Variants in CACNA2D2 observed in about 807,000 individuals in gnomAD.
The protein encoded by CACNA2D2 is calcium voltage-gated channel auxiliary subunit alpha2delta 2.
In CACNA2D2, 48 loss-of-function variants were observed where a neutral mutation model predicts 166.4. That is an observed-to-expected ratio of 0.29 (90% confidence interval 0.23 to 0.37). The LOEUF (loss-of-function observed/expected upper bound fraction) is 0.37. Among genes scored for constraint, CACNA2D2 ranks in the 10% least tolerant of loss-of-function variants. The pLI, the probability that CACNA2D2 is intolerant of heterozygous loss-of-function variation, is 1.00. For synonymous variants in CACNA2D2, 561 were observed against 573.7 expected (o/e 0.98, Z 0.32); for missense variants, 1,122 against 1,433.0 (o/e 0.78, Z 3.50).
At chr3:50,407,856 T>A (rs929697586) in intron 3 of CACNA2D2, among the ~76,000 whole-genome samples, 3 of 152,018 alleles carry the variant, frequency 2.0e-5, no homozygotes, top group Admixed American at 2.0e-4. Flanking sequence ...ATGAAGGGGA[T>A]AAGGGAAGTA....
intron 2 of CACNA2D2, among the ~76,000 whole-genome samples, chr3:50,472,000 G>A (rs866639721): frequency 2.0e-5 from 3 of 152,242 alleles, no homozygotes; most frequent in Admixed American, 1.3e-4. Context: ...GAGAAGCACA[G>A]AAGTGGGAGG....
chr3:50,396,127 C>G (rs1161993462), intron 3 of CACNA2D2, among the ~76,000 whole-genome samples: 1 of 152,080 alleles, frequency 6.6e-6, no homozygotes, highest in Non-Finnish European at 1.5e-5. Context: ...TGCCTCCAAT[C>G]CTGGCCCTCC....
chr3:50,468,364 G>C (rs1449545602), intron 2 of CACNA2D2, among the ~76,000 whole-genome samples: 1 of 145,940 alleles, frequency 6.9e-6, no homozygotes, highest in Non-Finnish European at 1.5e-5. Flanking sequence ...AAGAGAACCA[G>C]CAAGTTCATC....
chr3:50,422,604 A>G (rs565882364), intron 3 of CACNA2D2, among the ~76,000 whole-genome samples: 1 of 152,334 alleles, frequency 6.6e-6, no homozygotes, highest in Non-Finnish European at 1.5e-5. Flanking sequence ...CACACGGCAC[A>G]GGCGATCTGC....
At chr3:50,449,132 C>T (rs1708991135) in intron 2 of CACNA2D2, among the ~76,000 whole-genome samples, 1 of 152,232 alleles carries the variant, frequency 6.6e-6, no homozygotes, top group African/African-American at 2.4e-5. Flanking sequence ...CTTAGAGAGG[C>T]TTCATCACTG....
intron 15 of CACNA2D2, 62 bp downstream of exon 15, chr3:50,377,946 C>T (rs1289446298): frequency 6.4e-7 from 1 of 1,559,454 alleles, no homozygotes; most frequent in African/African-American, 1.4e-5. Context: ...GGTCTTGACC[C>T]TGTGGGCACA....
chr3:50,415,579 G>T (rs994941040), intron 3 of CACNA2D2, among the ~76,000 whole-genome samples: 1 of 152,234 alleles, frequency 6.6e-6, no homozygotes, highest in African/African-American at 2.4e-5. Flanking sequence ...GGGCTCCTGA[G>T]GTGTCTGTGT....
At chr3:50,434,025 C>G (rs1708195107) in intron 3 of CACNA2D2, among the ~76,000 whole-genome samples, 1 of 152,196 alleles carries the variant, frequency 6.6e-6, no homozygotes, top group South Asian at 2.1e-4. Context: ...GGGAAAACCC[C>G]AGGCCCGGAA....
chr3:50,500,547 C>A (rs1292255901), intron 1 of CACNA2D2, among the ~76,000 whole-genome samples: 5 of 152,174 alleles, frequency 3.3e-5, no homozygotes, highest in Non-Finnish European at 7.3e-5. Flanking sequence ...GCAGTGAGGG[C>A]TGCCCCTCAG....
At chr3:50,385,812 GA>G (rs1705572033) in intron 5 of CACNA2D2, among the ~76,000 whole-genome samples, 1 of 152,228 alleles carries the variant, frequency 6.6e-6, no homozygotes, top group African/African-American at 2.4e-5. Flanking sequence ...GTTCCGCTCA[GA>G]GGAGGGGGAG....
intron 3 of CACNA2D2, among the ~76,000 whole-genome samples, chr3:50,414,841 G>C (rs1241307903): frequency 1.3e-5 from 2 of 152,250 alleles, no homozygotes; most frequent in African/African-American, 4.8e-5. Flanking sequence ...CAGGCCGGCG[G>C]CGCAGGGCTC....
chr3:50,455,899 C>A (rs761540349), intron 2 of CACNA2D2, among the ~76,000 whole-genome samples: 1 of 152,202 alleles, frequency 6.6e-6, no homozygotes, highest in Non-Finnish European at 1.5e-5. Flanking sequence ...ATGCTCCCCC[C>A]ATTCCTCTCC....
At chr3:50,479,538 C>T (rs929854269) in intron 1 of CACNA2D2, among the ~76,000 whole-genome samples, 2 of 152,266 alleles carry the variant, frequency 1.3e-5, no homozygotes, top group Admixed American at 6.5e-5. Flanking sequence ...TGTCCCAGTG[C>T]CACCTCCAAG....
At chr3:50,388,618 G>A (rs922031417) in intron 4 of CACNA2D2, among the ~76,000 whole-genome samples, 3 of 152,216 alleles carry the variant, frequency 2.0e-5, no homozygotes, top group Non-Finnish European at 4.4e-5. Context: ...CACCACCAGC[G>A]CAGATGTCGC....
intron 22 of CACNA2D2, among the ~76,000 whole-genome samples, chr3:50,371,793 G>A (rs943512486): frequency 1.3e-5 from 2 of 152,236 alleles, no homozygotes; most frequent in South Asian, 2.1e-4. Flanking sequence ...AGAAAAAGGA[G>A]GGCGAAGGAG....
Position 50,427,891 on chromosome 3 carries a change from C to T in CACNA2D2, c.405+6422G>A, listed in dbSNP as rs1206628069. Among the ~76,000 whole-genome samples, 2 of 152,198 alleles carry T rather than the reference C, an allele frequency of 1.3e-5. No homozygotes were observed. The highest frequency in any genetic ancestry group is 4.8e-5 in the African/African-American group (2 of 41,450). Reference sequence around the variant, plus strand: ...TTTGTCTCACCCTCGTCAGTGAATGCACCCGTGGACTCAGCTGAACTGGCC... The same window carrying T: ...TTTGTCTCACCCTCGTCAGTGAATGTACCCGTGGACTCAGCTGAACTGGCC... On this transcript the variant is annotated intron_variant, in intron 3 of 37. Coordinates refer to ENST00000424201, the MANE Select transcript of CACNA2D2 (RefSeq NM_006030.4). This position sits in a 1 kb window ranked among gnomAD's most constrained non-coding sequence, Gnocchi z 4.7.
At position 50,375,111 on chromosome 3, in the gene CACNA2D2, T is replaced by A. The variant is rs1458245434; in HGVS notation, c.1908-298A>T. The stretch of plus-strand genomic sequence containing the variant: ...CAGCCCCCTGCCCAGCCAACCTCCC[T>A]CTGACCCACAAGGGGCAGACGCTGC... On this transcript the variant is annotated intron_variant, in intron 21 of 37. Transcript: ENST00000424201. This position sits in a 1 kb window ranked among gnomAD's most constrained non-coding sequence, Gnocchi z 4.0. 6.6e-6 allele frequency among the ~76,000 whole-genome samples: 1 copy of A among 152,098 alleles called. No homozygotes were observed. The highest frequency in any genetic ancestry group is 1.5e-5 in the Non-Finnish European group (1 of 68,004).
chr3:50,452,256 T>C (rs1318675001), intron 2 of CACNA2D2, among the ~76,000 whole-genome samples: 1 of 152,188 alleles, frequency 6.6e-6, no homozygotes, highest in Non-Finnish European at 1.5e-5. Context: ...CAGCCCAACT[T>C]TTCCTGCTGC....
intron 1 of CACNA2D2, among the ~76,000 whole-genome samples, chr3:50,502,607 C>T (rs1448300520): frequency 6.6e-6 from 1 of 152,222 alleles, no homozygotes; most frequent in African/African-American, 2.4e-5. Flanking sequence ...ACGCCTTCAC[C>T]TCCCAACTGG....
Sources: gnomAD v4.1 joint callset for allele counts (sites outside exome capture counted in the v4.1 genomes callset) on GRCh38, gnomAD v4.1.1 for gene constraint, Gnocchi (gnomAD v3.1) non-coding constraint, MANE v1.5 for transcripts, NCBI Gene and HGNC (gene_info 2026-07-23, HGNC 2026-07-21) for gene names.